Variants in CCDC148 observed in about 807,000 individuals in gnomAD.
CCDC148 encodes coiled-coil domain-containing protein 148.
CCDC148 carries 89 observed loss-of-function variants against 85.7 expected under a neutral mutation model. The ratio of observed to expected loss-of-function variants is 1.04; its 90% CI spans 0.87 to 1.24. The LOEUF is 1.24. CCDC148 is among the 50% of genes most tolerant of loss of function. CCDC148 has a pLI of 0.00. For missense variants in CCDC148, 692 were observed against 671.7 expected, an observed-to-expected ratio of 1.03 and a Z score of -0.33; for synonymous variants, 230 against 213.9, an observed-to-expected ratio of 1.08 and a Z score of -0.66.
chr2:158,333,936 C>T (rs1693285485), intron 7 of CCDC148, among the ~76,000 whole-genome samples: 2 of 152,096 alleles, frequency 1.3e-5, no homozygotes, highest in Non-Finnish European at 2.9e-5. Context: ...ATCAAGTTTA[C>T]AATCAGCTAG....
chr2:158,176,748 G>C, intron 12 of CCDC148, 87 bp from the exon 13 acceptor site: 1 of 1,465,398 alleles, frequency 6.8e-7, no homozygotes. Flanking sequence ...GCCCATTAAA[G>C]TTAAGAAATT....
At position 158,235,871 on chromosome 2, in the gene CCDC148, T is replaced by A. The variant is rs1477109726; in HGVS notation, c.1251+14901A>T. ...GGAGGACCCCTGACGGGAGCTGAGATCTTTGGTGAAGGACACAACTGGTCA... is the reference window on the plus strand; with the variant it reads ...GGAGGACCCCTGACGGGAGCTGAGAACTTTGGTGAAGGACACAACTGGTCA... On this transcript the variant is annotated intron_variant, in intron 10 of 13. Coordinates refer to ENST00000283233, the MANE Select transcript of CCDC148 (RefSeq NM_138803.4). The A allele has an allele frequency of 2.0e-5, 3 of 152,224 alleles. No homozygotes were observed. In the East Asian group the frequency reaches 5.8e-4, roughly 29 times the overall value. 9.4% of individuals were successfully genotyped at this position (152,224 alleles called of 1,614,324 possible). A position where few individuals can be genotyped will look rare whatever the true frequency, so the allele number is the denominator to read the frequency against.
rs369911784 is a variant in CCDC148, at chr2:158,258,666, T to G, written c.1111-7754A>C. 1.8e-4 allele frequency among the ~76,000 whole-genome samples: 28 copies of G among 151,976 alleles called. 1 individual carries two copies. Among genetic ancestry groups the G allele is most frequent in the South Asian group, 1.7e-3 (8 of 4,816 alleles). ...AGTTCTGTTGCCTATTACTCCTGACTGTACTTCCCACTGTCTCTTAAACCC... is the reference window on the plus strand; with the variant it reads ...AGTTCTGTTGCCTATTACTCCTGACGGTACTTCCCACTGTCTCTTAAACCC... On this transcript the variant is annotated intron_variant, in intron 9 of 13. Transcript: ENST00000283233.
At chr2:158,327,341 T>C (rs1692830624) in intron 7 of CCDC148, among the ~76,000 whole-genome samples, 1 of 152,196 alleles carries the variant, frequency 6.6e-6, no homozygotes, top group Non-Finnish European at 1.5e-5. Flanking sequence ...TAAAAACTAT[T>C]CAAACTCTTT....
rs142830051 is a variant in CCDC148, at chr2:158,370,340, G to A, written c.26-11770C>T. Among the ~76,000 whole-genome samples the A allele has an allele frequency of 9.4e-4, 143 of 152,198 alleles. 2 individuals carry two copies. The East Asian group carries it at 0.024, about 26-fold the overall frequency. ...ATATACATGTAGAAACATCTTGGAT[G>A]TGGTATCAAATTATTGTAAAAAATT... On this transcript the variant is annotated intron_variant, in intron 1 of 13. Transcript: ENST00000283233.
At chr2:158,439,163 A>T (rs1399179360) in intron 1 of CCDC148, among the ~76,000 whole-genome samples, 1 of 152,234 alleles carries the variant, frequency 6.6e-6, no homozygotes, top group African/African-American at 2.4e-5. Flanking sequence ...GCTGCTATAA[A>T]GACACATGCA....
chr2:158,398,692 C>T (rs185114628), intron 1 of CCDC148, among the ~76,000 whole-genome samples: 1 of 152,200 alleles, frequency 6.6e-6, no homozygotes, highest in East Asian at 1.9e-4. Context: ...AAAATCGACA[C>T]CATAACAACA....
At chr2:158,422,166 G>A (rs2105324298) in intron 1 of CCDC148, among the ~76,000 whole-genome samples, 1 of 152,244 alleles carries the variant, frequency 6.6e-6, no homozygotes, top group South Asian at 2.1e-4. Flanking sequence ...GGTAGAAGGA[G>A]GAGCTGGTAC....
intron 7 of CCDC148, among the ~76,000 whole-genome samples, chr2:158,330,765 C>T (rs1693060825): frequency 6.6e-6 from 1 of 152,138 alleles, no homozygotes; most frequent in Non-Finnish European, 1.5e-5. Flanking sequence ...TGAATCTATC[C>T]ATTTCTTCTA....
chr2:158,309,357 G>T, intron 9 of CCDC148, 76 bp downstream of exon 9: 2 of 1,239,254 alleles, frequency 1.6e-6, no homozygotes, highest in Admixed American at 2.3e-5. Context: ...TGAACTTTAG[G>T]TTGAGTTTGA....
At chr2:158,330,016 T>C (rs1035149393) in intron 7 of CCDC148, among the ~76,000 whole-genome samples, 6 of 152,198 alleles carry the variant, frequency 3.9e-5, no homozygotes, top group Non-Finnish European at 7.3e-5. Flanking sequence ...TCCTGCCTGA[T>C]TGCCCTGGCC....
chr2:158,294,230 T>C (rs1485276370), intron 9 of CCDC148, among the ~76,000 whole-genome samples: 2 of 152,170 alleles, frequency 1.3e-5, no homozygotes, highest in African/African-American at 2.4e-5. Context: ...ACATTTGAGA[T>C]GTGTACATGC....
chr2:158,291,340 T>C (rs1038778268), intron 9 of CCDC148, among the ~76,000 whole-genome samples: 2 of 152,176 alleles, frequency 1.3e-5, no homozygotes, highest in East Asian at 1.9e-4. Context: ...TCCTGCTCCT[T>C]GATGTTGCAC....
chr2:158,387,833 G>A (rs958999237), intron 1 of CCDC148, among the ~76,000 whole-genome samples: 6 of 152,068 alleles, frequency 3.9e-5, no homozygotes, highest in African/African-American at 1.2e-4. Flanking sequence ...ATATCAGGCC[G>A]CCCTTACACA....
chr2:158,205,050 G>T (rs780628876), intron 11 of CCDC148, among the ~76,000 whole-genome samples: 2 of 152,152 alleles, frequency 1.3e-5, no homozygotes, highest in Non-Finnish European at 2.9e-5. Flanking sequence ...TTTACCCAAA[G>T]TGTGAAGAAA....
intron 9 of CCDC148, among the ~76,000 whole-genome samples, chr2:158,254,801 T>A (rs141295201): frequency 0.018 from 2,781 of 151,682 alleles, 44 homozygotes; most frequent in Non-Finnish European, 0.029. Flanking sequence ...TTATATGATG[T>A]CCTGTGATTT....
intron 1 of CCDC148, among the ~76,000 whole-genome samples, chr2:158,417,149 G>C (rs1033044682): frequency 6.6e-6 from 1 of 152,176 alleles, no homozygotes; most frequent in African/African-American, 2.4e-5. Context: ...TCCAACACTG[G>C]GGATTACAAT....
chr2:158,247,672 C>T (rs1688622777), intron 10 of CCDC148, among the ~76,000 whole-genome samples: 1 of 152,044 alleles, frequency 6.6e-6, no homozygotes, highest in Admixed American at 6.6e-5. Flanking sequence ...GCCTGACCAA[C>T]ATAGTGAATC....
rs1684599127 is a variant in CCDC148 at position 158,176,574 on chromosome 2, C to A, written c.1576G>T (p.Glu526Ter). The change falls in exon 13 of 14, where the codon GAA becomes TAA. Residue 526 changes from glutamate to a stop codon, truncating the protein, a stop_gained. Transcript: ENST00000283233. LOFTEE classifies it high-confidence loss of function. Reference sequence around the variant, plus strand: ...AAGAGTGGCTTTTGAAGAATAAATTCTTCTTCAATTTCAATGCCCATTCTA... The same window carrying A: ...AAGAGTGGCTTTTGAAGAATAAATTATTCTTCAATTTCAATGCCCATTCTA... Reference protein sequence around the residue: ...KARMGIEIEEEFILQKPLFTL... With the variant: ...KARMGIEIEE 4 of 1,611,456 alleles carry A rather than the reference C, an allele frequency of 2.5e-6. No individual in the cohort carries two copies. The highest frequency in any genetic ancestry group is 1.3e-5 in the African/African-American group (1 of 74,912).
Sources: allele counts gnomAD v4.1 joint callset (sites outside exome capture counted in the v4.1 genomes callset), GRCh38; gene constraint gnomAD v4.1.1; transcripts MANE v1.5; gene names NCBI Gene and HGNC (gene_info 2026-07-23, HGNC 2026-07-21).